The following DSC2 variants were observed in gnomAD, a reference collection of about 807,000 sequenced individuals.
DSC2 encodes desmocollin 2.
Under a neutral mutation model 87.6 loss-of-function variants are expected in DSC2, and 51 were observed. That is an observed-to-expected ratio of 0.58 (90% CI 0.46 to 0.74). DSC2 has a LOEUF of 0.74. DSC2 is among the 30% of genes least tolerant of loss of function. The pLI is 0.00. For synonymous variants in DSC2, 383 were observed against 393.2 expected (o/e 0.97, Z 0.31); for missense variants, 1,066 against 1,089.5 (o/e 0.98, Z 0.30).
intron 7 of DSC2, among the ~76,000 whole-genome samples, chr18:31,084,495 C>T (rs1987331109): frequency 6.6e-6 from 1 of 152,054 alleles, no homozygotes; most frequent in South Asian, 2.1e-4. Context: ...AGGTTGTAGG[C>T]AACTGAAGAA....
At chr18:31,068,858 T>A (rs1986718768) in intron 15 of DSC2, 36 bp downstream of exon 15, 2 of 1,611,482 alleles carry the variant, frequency 1.2e-6, no homozygotes, top group South Asian at 2.2e-5. Flanking sequence ...TTAAAGAAAA[T>A]TAAAATAGAT....
At position 31,068,003 on chromosome 18, in the gene DSC2, A is replaced by T. The variant is rs767445847; in HGVS notation, c.*12T>A. ...TAAAGCCACTGGCTTTCAGAGACTTATTAGAACACACTCATCTCTTCATGC... is the reference window on the plus strand; with the variant it reads ...TAAAGCCACTGGCTTTCAGAGACTTTTTAGAACACACTCATCTCTTCATGC... On this transcript the variant is annotated 3_prime_UTR_variant, in exon 16 of 16. Coordinates refer to ENST00000280904, the MANE Select transcript of DSC2 (RefSeq NM_024422.6). 6.2e-7 allele frequency: 1 copy of T among 1,613,172 alleles called. No individual in the cohort carries two copies. The highest frequency in any genetic ancestry group is 1.1e-5 in the South Asian group (1 of 91,056).
rs1266547190 is a variant in DSC2, at chr18:31,074,830, T to G, written c.1741A>C (p.Thr581Pro). The G allele has an allele frequency of 6.2e-7, 1 of 1,614,000 alleles. No individual in the cohort carries two copies. Reference sequence around the variant, plus strand: ...ATGGTGGGTTTGCAGATGATCACTGTCTTTTTAGGTATGAATGGGCTGTTA... The same window carrying G: ...ATGGTGGGTTTGCAGATGATCACTGGCTTTTTAGGTATGAATGGGCTGTTA... ...NDNSPFIPKK[T>P]VIICKPTMSS... The change falls in exon 12 of 16, where the codon ACA becomes CCA. Residue 581 changes from threonine (T) to proline (P), a missense_variant. By Grantham distance (38) the Thr-to-Pro change is conservative. Transcript: ENST00000280904.
At chr18:31,093,703 T>C (rs538231017) in intron 1 of DSC2, 60 bp from the exon 2 acceptor site, 150 of 808,752 alleles carry the variant, frequency 1.9e-4, no homozygotes, top group African/African-American at 6.1e-4. Flanking sequence ...TTAATGTGTA[T>C]ATTATTTATA....
intron 12 of DSC2, among the ~76,000 whole-genome samples, chr18:31,074,458 T>C (rs1986940505): frequency 7.4e-6 from 1 of 135,362 alleles, no homozygotes; most frequent in South Asian, 2.3e-4. Context: ...TGTGTGTGTG[T>C]GTGTGTGTGT....
intron 1 of DSC2, among the ~76,000 whole-genome samples, chr18:31,097,556 A>G (rs966151621): frequency 6.6e-6 from 1 of 151,852 alleles, no homozygotes; most frequent in Non-Finnish European, 1.5e-5. Flanking sequence ...AAAAGGCTAT[A>G]AGGAAAAAAT....
rs1987175670 is a variant in DSC2 at position 31,080,320 on chromosome 18, G to C, written c.1296C>G (p.Ile432Met). Residue 432 changes from isoleucine to methionine, a missense_variant, in exon 10 of 16, where the codon ATC (isoleucine) becomes ATG (methionine). Physicochemically the swap from Ile to Met is conservative, Grantham distance 10 (BLOSUM62 1). Coordinates refer to ENST00000280904, the MANE Select transcript of DSC2 (RefSeq NM_024422.6). The stretch of plus-strand genomic sequence containing the variant: ...CTTCATTAACTACACCAATTTGCAA[G>C]ATCATCTGTTGCTTTTCTTCATAAT... The part of the protein sequence containing the change: ...PLNYEEKQQM[I>M]LQIGVVNEAP... 1.2e-6 allele frequency: 2 copies of C among 1,613,950 alleles called. No individual in the cohort carries two copies. The highest frequency in any genetic ancestry group is 1.7e-5 in the Admixed American group (1 of 60,004).
At chr18:31,092,531 T>C (rs1439043649) in intron 2 of DSC2, among the ~76,000 whole-genome samples, 1 of 152,212 alleles carries the variant, frequency 6.6e-6, no homozygotes, top group Non-Finnish European at 1.5e-5. Context: ...TGCTCTGAAG[T>C]AAACATATGT....
At chr18:31,086,345 T>C (rs1465757154) in intron 7 of DSC2, among the ~76,000 whole-genome samples, 1 of 152,166 alleles carries the variant, frequency 6.6e-6, no homozygotes, top group Non-Finnish European at 1.5e-5. Context: ...TGTAAATATG[T>C]TTATATCAGG....
chr18:31,070,950 T>C, intron 13 of DSC2, 100 bp from the exon 14 acceptor site: 2 of 1,425,364 alleles, frequency 1.4e-6, no homozygotes, highest in South Asian at 1.2e-5. Flanking sequence ...CTTAAAAGTG[T>C]ATATTAAAAG....
At position 31,102,104 on chromosome 18, in the gene DSC2, C is replaced by T; in HGVS notation, c.-133G>A. The T allele has an allele frequency of 4.2e-6, 3 of 710,492 alleles. No individual in the cohort carries two copies. Among genetic ancestry groups the T allele is most frequent in the Non-Finnish European group, 6.3e-6 (3 of 476,880 alleles). The allele number at this position is 710,492 out of a possible 1,614,324, so 44.0% of individuals were successfully genotyped here. On this transcript the variant is annotated 5_prime_UTR_variant, in exon 1 of 16. Coordinates refer to ENST00000280904, the MANE Select transcript of DSC2 (RefSeq NM_024422.6). The stretch of plus-strand genomic sequence containing the variant: ...AGCGCGAGGCGGAGGAGGTGGGGCG[C>T]GCGGAGAGGTGCTTTTCTTAGCTTC...
intron 1 of DSC2, among the ~76,000 whole-genome samples, chr18:31,097,725 C>G (rs59222407): frequency 1.3e-5 from 2 of 151,654 alleles, no homozygotes; most frequent in Admixed American, 1.3e-4. Context: ...AAAGAAGAGG[C>G]AAAACAATTT....
At position 31,074,783 on chromosome 18, in the gene DSC2, C is replaced by T. The variant is rs146161960; in HGVS notation, c.1788G>A (p.Ala596=). Residue 596 remains alanine (A), a synonymous_variant, in exon 12 of 16, where the codon GCG becomes GCA. Transcript: ENST00000280904. ...CATGGATAGGCTCATCAGGATCAAC[C>T]GCAACAATCTCCGCAGATGACATGG... ...KPTMSSAEIV[A]VDPDEPIHGP... 1.4e-4 allele frequency: 225 copies of T among 1,613,970 alleles called. No individual in the cohort carries two copies. The highest frequency in any genetic ancestry group is 1.6e-4 in the Non-Finnish European group (187 of 1,179,972).
chr18:31,078,439 A>C (rs571786401), intron 11 of DSC2, among the ~76,000 whole-genome samples: 1 of 152,194 alleles, frequency 6.6e-6, no homozygotes, highest in Non-Finnish European at 1.5e-5. Flanking sequence ...TCAATCACTT[A>C]AACTCCTCTG....
Position 31,066,188 on chromosome 18 carries a change from G to A in DSC2, c.*1827C>T, listed in dbSNP as rs1986613188. Reference sequence around the variant, plus strand: ...CCATGGCCTCACAGCCTTTAGAATAGTCATATTATATAAATATGGCAATAA... The same window carrying A: ...CCATGGCCTCACAGCCTTTAGAATAATCATATTATATAAATATGGCAATAA... On this transcript the variant is annotated 3_prime_UTR_variant, in exon 16 of 16. Coordinates refer to ENST00000280904, the MANE Select transcript of DSC2 (RefSeq NM_024422.6). 6.6e-6 allele frequency: 1 copy of A among 152,082 alleles called. No homozygotes were observed. The highest frequency in any genetic ancestry group is 2.4e-5 in the African/African-American group (1 of 41,416). The allele number at this position is 152,082 out of a possible 1,614,324, so 9.4% of individuals were successfully genotyped here. A position where few individuals can be genotyped will look rare whatever the true frequency, so the allele number is the denominator to read the frequency against.
chr18:31,097,282 A>T (rs372245238), intron 1 of DSC2, among the ~76,000 whole-genome samples: 6 of 149,630 alleles, frequency 4.0e-5, no homozygotes, highest in African/African-American at 1.5e-4. Context: ...AGCGAGACTC[A>T]GTCTCAAAAA....
At position 31,059,148 on chromosome 18, in the gene DSC2, G is replaced by T. The variant is rs1986453319; in HGVS notation, c.*8867C>A. 1 of 152,188 alleles carries T rather than the reference G, an allele frequency of 6.6e-6. No homozygotes were observed. The allele number at this position is 152,188 out of a possible 1,614,324, so 9.4% of individuals were successfully genotyped here. A position where few individuals can be genotyped will look rare whatever the true frequency, so the allele number is the denominator to read the frequency against. Reference sequence around the variant, plus strand: ...CGCTCTGTTAGGTTGCATGGAGAATGCGATGCATTGTGCAAAGATTAACTG... The same window carrying T: ...CGCTCTGTTAGGTTGCATGGAGAATTCGATGCATTGTGCAAAGATTAACTG... On this transcript the variant is annotated 3_prime_UTR_variant, in exon 16 of 16. Transcript: ENST00000280904.
Position 31,097,017 on chromosome 18 carries a change from G to A in DSC2, c.70-3374C>T, listed in dbSNP as rs559275793. 1.7e-4 allele frequency among the ~76,000 whole-genome samples: 26 copies of A among 152,066 alleles called. No individual in the cohort carries two copies. The East Asian group carries it at 4.7e-3, about 27-fold the overall frequency. Reference sequence around the variant, plus strand: ...TCATACCCATAAACAAAACCAGTCAGATAATACAAGAAATTTCCACTTTGG... The same window carrying A: ...TCATACCCATAAACAAAACCAGTCAAATAATACAAGAAATTTCCACTTTGG... On this transcript the variant is annotated intron_variant, in intron 1 of 15. Transcript: ENST00000280904.
Position 31,063,722 on chromosome 18 carries a change from A to G in DSC2, c.*4293T>C, listed in dbSNP as rs1245729613. ...AAATATGCATTCAGCATTCTCCTAC[A>G]CTTATGAGACTACATCCCAATAAGC... On this transcript the variant is annotated 3_prime_UTR_variant, in exon 16 of 16. Coordinates refer to ENST00000280904, the MANE Select transcript of DSC2 (RefSeq NM_024422.6). 3 of 152,174 alleles carry G rather than the reference A, an allele frequency of 2.0e-5. No individual in the cohort carries two copies. Among genetic ancestry groups the G allele is most frequent in the Non-Finnish European group, 2.9e-5 (2 of 68,036 alleles). 9.4% of individuals were successfully genotyped at this position (152,174 alleles called of 1,614,324 possible).
Sources: gnomAD v4.1 joint callset for allele counts (sites outside exome capture counted in the v4.1 genomes callset) on GRCh38, gnomAD v4.1.1 for gene constraint, MANE v1.5 for transcripts, NCBI Gene and HGNC (gene_info 2026-07-23, HGNC 2026-07-21) for gene names.